PPIP5K2: variants seen among roughly 807,000 people sequenced by gnomAD.
PPIP5K2 encodes inositol hexakisphosphate and diphosphoinositol-pentakisphosphate kinase 2.
In PPIP5K2, 105 loss-of-function variants were observed where a neutral mutation model predicts 154.6. The observed-to-expected ratio is 0.68, with a 90% CI of 0.58 to 0.80. The LOEUF (loss-of-function observed/expected upper bound fraction) is 0.80. Ranked by LOEUF, PPIP5K2 falls within the 30% of genes least tolerant of loss-of-function variation. PPIP5K2 has a pLI of 0.00. For missense variants in PPIP5K2, 992 were observed against 1,504.6 expected, an observed-to-expected ratio of 0.66 and a Z score of 5.64; for synonymous variants, 480 against 490.3, an observed-to-expected ratio of 0.98 and a Z score of 0.28.
At chr5:103,185,759 C>A (rs1343408328) in intron 26 of PPIP5K2, among the ~76,000 whole-genome samples, 1 of 151,818 alleles carries the variant, frequency 6.6e-6, no homozygotes, top group Non-Finnish European at 1.5e-5. Flanking sequence ...GTGATTTAGG[C>A]CTTGAATGAC....
chr5:103,172,522 T>C (rs1798118996), intron 19 of PPIP5K2, among the ~76,000 whole-genome samples: 1 of 151,504 alleles, frequency 6.6e-6, no homozygotes, highest in Admixed American at 6.6e-5. Flanking sequence ...CCTTCTTCCT[T>C]TCTCCTCTTC....
chr5:103,121,297 C>T (rs1037097303), intron 1 of PPIP5K2, among the ~76,000 whole-genome samples: 98 of 152,334 alleles, frequency 6.4e-4, no homozygotes, highest in African/African-American at 2.3e-3. Flanking sequence ...TTAACTGAGT[C>T]TTATGTGTGC....
At chr5:103,174,841 A>G (rs532003640) in intron 21 of PPIP5K2, among the ~76,000 whole-genome samples, 2 of 152,192 alleles carry the variant, frequency 1.3e-5, no homozygotes, top group African/African-American at 4.8e-5. Context: ...TTGAATGTGT[A>G]TGTCAGCCAT....
intron 1 of PPIP5K2, among the ~76,000 whole-genome samples, chr5:103,122,482 A>C (rs916329724): frequency 6.6e-6 from 1 of 152,208 alleles, no homozygotes; most frequent in African/African-American, 2.4e-5. Flanking sequence ...TGAACGTTTG[A>C]AGAAGGAAAA....
At chr5:103,173,133 A>G (rs1554219974) in intron 19 of PPIP5K2, 22 bp from the exon 20 acceptor site, 2 of 1,558,684 alleles carry the variant, frequency 1.3e-6, no homozygotes, top group Non-Finnish European at 1.7e-6. Context: ...CCTTTTTCTA[A>G]TGTCATGTAT....
At position 103,172,089 on chromosome 5, in the gene PPIP5K2, ATCCCTGTT is replaced by A. The variant is rs1798059805; in HGVS notation, c.2287-1062_2287-1055del. Among the ~76,000 whole-genome samples, 7 of 151,770 alleles carry A rather than the reference ATCCCTGTT, an allele frequency of 4.6e-5. No individual in the cohort carries two copies. The South Asian group carries it at 1.5e-3, about 31-fold the overall frequency. ...TTACCCAGACCAGCAGTGTATGAAA[ATCCCTGTT>A]TCCTCACATCTTGCTAATAACAAAT... is the stretch of plus-strand genomic sequence containing the variant. On this transcript the variant is annotated intron_variant, in intron 19 of 30. Transcript: ENST00000358359.
At position 103,134,832 on chromosome 5, in the gene PPIP5K2, G is replaced by A. The variant is rs573691450; in HGVS notation, c.310+1184G>A. ...CATAGACATTGAGACATCTTTACAA[G>A]CGATGAATTCTGAGAGTCTTTATAA... On this transcript the variant is annotated intron_variant, in intron 3 of 30. Coordinates refer to ENST00000358359, the MANE Select transcript of PPIP5K2 (RefSeq NM_001276277.3). Among the ~76,000 whole-genome samples, 6 of 152,262 alleles carry A rather than the reference G, an allele frequency of 3.9e-5. No homozygotes were observed. The South Asian group carries it at 1.2e-3, about 32-fold the overall frequency.
At position 103,177,575 on chromosome 5, in the gene PPIP5K2, A is replaced by C. The variant is rs1432853262; in HGVS notation, c.2530-92A>C. 17 of 758,432 alleles carry C rather than the reference A, an allele frequency of 2.2e-5. No homozygotes were observed. The East Asian group carries it at 4.5e-4, about 20-fold the overall frequency. The allele number at this position is 758,432 out of a possible 1,614,324, so 47.0% of individuals were successfully genotyped here. On this transcript the variant is annotated intron_variant, in intron 21 of 30. Coordinates refer to ENST00000358359, the MANE Select transcript of PPIP5K2 (RefSeq NM_001276277.3). ...ATAAGTATTCACTTTATGTGGTATC[A>C]CTAGGATTAAACAAGCTACCATAGT...
intron 30 of PPIP5K2, among the ~76,000 whole-genome samples, chr5:103,200,445 G>A (rs570893876): frequency 2.7e-5 from 4 of 150,774 alleles, no homozygotes; most frequent in East Asian, 1.9e-4. Context: ...ATCTAGTAAC[G>A]GCCTGCTCTT....
chr5:103,127,943 TG>T (rs34951277), intron 1 of PPIP5K2, among the ~76,000 whole-genome samples: 1 of 151,262 alleles, frequency 6.6e-6, no homozygotes, highest in Non-Finnish European at 1.5e-5. Context: ...CTGTTGTTGT[TG>T]TTTTTTTTTT....
chr5:103,191,015 G>A lies in PPIP5K2; in HGVS notation c.3493+33G>A, dbSNP rs782802891. The A allele has an allele frequency of 2.5e-6, 4 of 1,591,828 alleles. No homozygotes were observed. The African/African-American group carries it at 5.4e-5, about 22-fold the overall frequency. On this transcript the variant is annotated intron_variant, in intron 29 of 30. Transcript: ENST00000358359. ...ATTTTTCTTTCATTGTTATTATTTAGTTGCTGGGCAACTACATACTATCTG... is the reference window on the plus strand; with the variant it reads ...ATTTTTCTTTCATTGTTATTATTTAATTGCTGGGCAACTACATACTATCTG...
chr5:103,179,372 A>G (rs1489763684), intron 23 of PPIP5K2, among the ~76,000 whole-genome samples: 4 of 151,984 alleles, frequency 2.6e-5, no homozygotes, highest in Non-Finnish European at 4.4e-5. Context: ...CTATGGTCCA[A>G]CGTATGCATT....
chr5:103,141,988 C>T (rs1792782616), intron 5 of PPIP5K2, among the ~76,000 whole-genome samples: 1 of 152,244 alleles, frequency 6.6e-6, no homozygotes, highest in Admixed American at 6.5e-5. Context: ...GATCCCGCAC[C>T]AGGGCTGCAG....
At chr5:103,149,744 T>A (rs149819070) in intron 8 of PPIP5K2, among the ~76,000 whole-genome samples, 4,498 of 151,814 alleles carry the variant, frequency 0.03, 96 homozygotes, top group Non-Finnish European at 0.045. Flanking sequence ...TCACCCAGGC[T>A]GGAGTGCAGT....
intron 1 of PPIP5K2, among the ~76,000 whole-genome samples, chr5:103,128,386 C>CTTATTTATTTAT (rs10607990): frequency 9.4e-5 from 14 of 148,394 alleles, no homozygotes; most frequent in Non-Finnish European, 1.5e-4. Context: ...TCTTATAGTT[C>CTTATTTATTTAT]TTATTTATTT....
At chr5:103,136,940 A>G in intron 4 of PPIP5K2, 118 bp downstream of exon 4, 1 of 712,920 alleles carries the variant, frequency 1.4e-6, no homozygotes, top group Non-Finnish European at 2.4e-6. Flanking sequence ...CTTTCAAAAT[A>G]ATACTCAGAA....
At chr5:103,198,883 T>C (rs1802528215) in intron 30 of PPIP5K2, among the ~76,000 whole-genome samples, 1 of 152,138 alleles carries the variant, frequency 6.6e-6, no homozygotes, top group African/African-American at 2.4e-5. Flanking sequence ...CTACCTCATT[T>C]TGTACTAATT....
Position 103,183,338 on chromosome 5 carries a change from A to C in PPIP5K2, c.3027A>C (p.Gln1009His). Reference protein sequence around the residue: ...TGRRRRRSGEQITSSPVSPKS... With the variant: ...TGRRRRRSGEHITSSPVSPKS... The stretch of plus-strand genomic sequence containing the variant: ...GTCGAAGACGCAGATCAGGGGAACA[A>C]ATCACTTCTTCCCCTGTCTCCCCCA... The change falls in exon 25 of 31, where the codon CAA (glutamine) becomes CAC (histidine). Residue 1009 changes from glutamine (Q) to histidine (H), a missense_variant. By Grantham distance (24) the Gln-to-His change is conservative (BLOSUM62 0). Around this residue, in one of 9 missense-constraint regions of PPIP5K2, gnomAD observed 204 missense variants for 224.0 expected, o/e 0.91. Coordinates refer to ENST00000358359, the MANE Select transcript of PPIP5K2 (RefSeq NM_001276277.3). The C allele has an allele frequency of 6.2e-7, 1 of 1,610,168 alleles. No individual in the cohort carries two copies. Among genetic ancestry groups the C allele is most frequent in the South Asian group, 1.1e-5 (1 of 90,666 alleles).
Position 103,168,140 on chromosome 5 carries a change from T to C in PPIP5K2, c.2131T>C (p.Phe711Leu), listed in dbSNP as rs782272971. The change falls in exon 19 of 31, where the codon TTT (phenylalanine) becomes CTT (leucine). Residue 711 changes from phenylalanine to leucine, a missense_variant. By Grantham distance (22) the Phe-to-Leu change is conservative. Transcript: ENST00000358359. The stretch of plus-strand genomic sequence containing the variant: ...TAGATGGTCCAAGTTAGAGAAAGAC[T>C]TTAAAACAAAGAATGGAAGATATGA... The part of the protein sequence containing the change: ...LRRWSKLEKD[F>L]KTKNGRYDIS... 1 of 1,610,614 alleles carries C rather than the reference T, an allele frequency of 6.2e-7. No homozygotes were observed. The highest frequency in any genetic ancestry group is 8.5e-7 in the Non-Finnish European group (1 of 1,177,608).
Sources: allele counts gnomAD v4.1 joint callset (sites outside exome capture counted in the v4.1 genomes callset), GRCh38; gene constraint gnomAD v4.1.1; regional missense constraint gnomAD v4.1.1; transcripts MANE v1.5; gene names NCBI Gene and HGNC (gene_info 2026-07-23, HGNC 2026-07-21).